YME1L1: variants seen among roughly 807,000 people sequenced by gnomAD.
YME1L1 encodes ATP-dependent zinc metalloprotease YME1L1.
YME1L1 carries 39 observed loss-of-function variants against 90.4 expected under a neutral mutation model. The ratio of observed to expected loss-of-function variants is 0.43; its 90% confidence interval spans 0.33 to 0.56. The LOEUF is 0.56. Among genes scored for constraint, YME1L1 ranks in the 20% least tolerant of loss-of-function variants. The pLI is 0.03. For missense variants in YME1L1, 617 were observed against 868.4 expected (o/e 0.71, Z 3.64); for synonymous variants, 284 against 287.3 (o/e 0.99, Z 0.12).
At chr10:27,131,587 T>TA (rs2056978051) in intron 8 of YME1L1, among the ~76,000 whole-genome samples, 1 of 152,202 alleles carries the variant, frequency 6.6e-6, no homozygotes, top group South Asian at 2.1e-4. Flanking sequence ...CTAATAAGTA[T>TA]AAAAATGAAT....
At chr10:27,123,052 T>C (rs921022117) in intron 10 of YME1L1, 79 bp from the exon 11 acceptor site, 9 of 1,507,810 alleles carry the variant, frequency 6.0e-6, no homozygotes, top group African/African-American at 1.4e-5. Flanking sequence ...ATTAAAATCC[T>C]ATACAACTGT....
At chr10:27,112,648 C>T (rs1162017624) in intron 18 of YME1L1, among the ~76,000 whole-genome samples, 1 of 152,182 alleles carries the variant, frequency 6.6e-6, no homozygotes, top group Admixed American at 6.5e-5. Flanking sequence ...CTTCATTGTG[C>T]CATCTGACAA....
intron 4 of YME1L1, 47 bp downstream of exon 4, chr10:27,142,340 G>C: frequency 8.9e-7 from 1 of 1,124,018 alleles, no homozygotes; most frequent in Non-Finnish European, 1.2e-6. Flanking sequence ...TCAGACTATA[G>C]TAAATAAATA....
chr10:27,144,337 C>G (rs2057120206), intron 3 of YME1L1, among the ~76,000 whole-genome samples: 1 of 152,180 alleles, frequency 6.6e-6, no homozygotes, highest in African/African-American at 2.4e-5. Context: ...TTTTTCCTCA[C>G]ACTTACGGTT....
Position 27,142,378 on chromosome 10 carries a change from G to T in YME1L1, c.430+9C>A. ...TTTTTTTCCACAATTTATGGTTGTT[G>T]CTTCATACCTGGCCAGTACTGAAGA... On this transcript the variant is annotated intron_variant, in intron 4 of 18. Transcript: ENST00000376016. 1 of 1,401,066 alleles carries T rather than the reference G, an allele frequency of 7.1e-7. No homozygotes were observed. Among genetic ancestry groups the T allele is most frequent in the Non-Finnish European group, 9.5e-7 (1 of 1,057,688 alleles). 86.8% of individuals were successfully genotyped at this position (1,401,066 alleles called of 1,614,324 possible).
At chr10:27,139,161 G>A (rs1013773059) in intron 4 of YME1L1, among the ~76,000 whole-genome samples, 7 of 151,886 alleles carry the variant, frequency 4.6e-5, no homozygotes, top group African/African-American at 9.7e-5. Context: ...TCGTGCTTGC[G>A]TGTGTATATA....
At chr10:27,135,624 T>C (rs1280860819) in intron 5 of YME1L1, among the ~76,000 whole-genome samples, 1 of 152,172 alleles carries the variant, frequency 6.6e-6, no homozygotes, top group South Asian at 2.1e-4. Context: ...AGCAATCTTA[T>C]ATAAGACTTC....
intron 9 of YME1L1, among the ~76,000 whole-genome samples, chr10:27,125,458 GA>G (rs68143135): frequency 5.6e-4 from 60 of 107,690 alleles, no homozygotes; most frequent in African/African-American, 1.0e-3. Flanking sequence ...TGTTTCATTT[GA>G]AAAAAAAAAA....
chr10:27,124,287 A>C (rs181357620), intron 9 of YME1L1, among the ~76,000 whole-genome samples: 78 of 152,302 alleles, frequency 5.1e-4, no homozygotes, highest in African/African-American at 1.7e-3. Flanking sequence ...AAAAATACAC[A>C]CATAACACAG....
At chr10:27,146,038 A>G (rs1443478493) in intron 2 of YME1L1, 2 of 153,966 alleles carry the variant, frequency 1.3e-5, no homozygotes, top group Non-Finnish European at 2.9e-5. Flanking sequence ...AACTAACTGC[A>G]GGGTTACAAA....
chr10:27,153,806 G>A (rs1017862996), intron 1 of YME1L1, among the ~76,000 whole-genome samples: 6 of 152,050 alleles, frequency 3.9e-5, no homozygotes, highest in African/African-American at 1.4e-4. Flanking sequence ...TGGAAAGTCG[G>A]AAAAAAGGGA....
At chr10:27,122,670 GCTTGT>G (rs2056878785) in intron 11 of YME1L1, among the ~76,000 whole-genome samples, 166 bp downstream of exon 11, 1 of 152,078 alleles carries the variant, frequency 6.6e-6, no homozygotes, top group South Asian at 2.1e-4. Flanking sequence ...GAGAGAAAAA[GCTTGT>G]CTTGAGTTCT....
chr10:27,154,253 T>C lies in YME1L1; in HGVS notation c.-43A>G. 1 of 1,576,540 alleles carries C rather than the reference T, an allele frequency of 6.3e-7. No homozygotes were observed. Among genetic ancestry groups the C allele is most frequent in the South Asian group, 1.2e-5 (1 of 86,394 alleles). ...CGACCTCACCCGCCTGCCGAAACTGTGCCCCTCTGTCCACGGCCCGGCGGG... is the reference window on the plus strand; with the variant it reads ...CGACCTCACCCGCCTGCCGAAACTGCGCCCCTCTGTCCACGGCCCGGCGGG... On this transcript the variant is annotated 5_prime_UTR_variant, in exon 1 of 19. Transcript: ENST00000376016.
chr10:27,126,987 A>G (rs2135861947), intron 8 of YME1L1, among the ~76,000 whole-genome samples: 1 of 152,368 alleles, frequency 6.6e-6, no homozygotes, highest in East Asian at 1.9e-4. Context: ...CATTATGCAA[A>G]GTCTCCTTAC....
intron 1 of YME1L1, among the ~76,000 whole-genome samples, chr10:27,153,680 GA>G (rs527343703): frequency 1.1e-3 from 171 of 152,248 alleles, no homozygotes; most frequent in African/African-American, 3.9e-3. Context: ...GTCAAAATGA[GA>G]AAAAAACTTG....
chr10:27,154,151 A>G (rs1198528714), intron 1 of YME1L1, 27 bp downstream of exon 1: 2 of 1,578,564 alleles, frequency 1.3e-6, no homozygotes, highest in South Asian at 2.3e-5. Flanking sequence ...GCGGGAGGAA[A>G]AAAAATGGGC....
chr10:27,127,166 G>A (rs1052236016), intron 8 of YME1L1, among the ~76,000 whole-genome samples: 3 of 152,090 alleles, frequency 2.0e-5, no homozygotes, highest in Admixed American at 1.3e-4. Context: ...GTCAAGATTC[G>A]CTTATTATTT....
intron 1 of YME1L1, among the ~76,000 whole-genome samples, chr10:27,151,045 C>T (rs1177244944): frequency 3.3e-5 from 5 of 151,776 alleles, no homozygotes; most frequent in African/African-American, 9.7e-5. Context: ...CCTGCCTCAG[C>T]CTCCCGAGTA....
chr10:27,145,842 C>T, intron 2 of YME1L1: 2 of 262,716 alleles, frequency 7.6e-6, no homozygotes, highest in Non-Finnish European at 7.0e-6. Context: ...GACATTTCAG[C>T]ATGAATGAGA....
Sources: gnomAD v4.1 joint callset for allele counts (sites outside exome capture counted in the v4.1 genomes callset) on GRCh38, gnomAD v4.1.1 for gene constraint, MANE v1.5 for transcripts, NCBI Gene and HGNC (gene_info 2026-07-23, HGNC 2026-07-21) for gene names.